Variants in FTO observed in about 807,000 individuals in gnomAD.
The protein encoded by FTO is FTO alpha-ketoglutarate dependent dioxygenase.
FTO carries 47 observed loss-of-function variants against 63.9 expected under a neutral mutation model. That is an observed-to-expected ratio of 0.74 (90% CI 0.58 to 0.94). The LOEUF (loss-of-function observed/expected upper bound fraction) is 0.94. Ranked by LOEUF, FTO falls within the 40% of genes least tolerant of loss-of-function variation. The pLI, the probability that FTO is intolerant of heterozygous loss-of-function variation, is 0.00. For missense variants in FTO, 562 were observed against 618.1 expected (o/e 0.91, Z 0.96); for synonymous variants, 207 against 224.4 (o/e 0.92, Z 0.69).
intron 1 of FTO, among the ~76,000 whole-genome samples, chr16:53,774,574 C>CT (rs1258799526): frequency 2.0e-5 from 3 of 152,128 alleles, no homozygotes; most frequent in Non-Finnish European, 4.4e-5. Flanking sequence ...CAACTATTTT[C>CT]ACTTGGTTGT....
At chr16:54,107,721 TA>T (rs2086789368) in intron 8 of FTO, among the ~76,000 whole-genome samples, 2 of 152,172 alleles carry the variant, frequency 1.3e-5, no homozygotes, top group East Asian at 3.9e-4. Context: ...ACTCAGACAA[TA>T]AAGTCTCATG....
At chr16:54,024,170 G>A (rs1445009285) in intron 8 of FTO, among the ~76,000 whole-genome samples, 2 of 152,114 alleles carry the variant, frequency 1.3e-5, no homozygotes, top group Admixed American at 6.6e-5. Flanking sequence ...AGGTATAAGT[G>A]TTTGTATGGC....
intron 1 of FTO, among the ~76,000 whole-genome samples, chr16:53,710,676 C>G (rs983692546): frequency 6.6e-6 from 1 of 152,148 alleles, no homozygotes; most frequent in African/African-American, 2.4e-5. Flanking sequence ...TTGGCCCAAA[C>G]AAACTAAAAG....
intron 7 of FTO, among the ~76,000 whole-genome samples, chr16:53,905,105 AG>A (rs1337556271): frequency 6.6e-6 from 1 of 151,896 alleles, no homozygotes; most frequent in Admixed American, 6.6e-5. Context: ...AATTCTCAGG[AG>A]TTGGGGGCCT....
At chr16:53,861,385 GA>G (rs1185318628) in intron 4 of FTO, among the ~76,000 whole-genome samples, 3 of 152,160 alleles carry the variant, frequency 2.0e-5, no homozygotes, top group Admixed American at 6.5e-5. Flanking sequence ...TTTGATGGGT[GA>G]AAATATGCTA....
At chr16:53,831,200 T>G (rs1349018261) in intron 3 of FTO, among the ~76,000 whole-genome samples, 1 of 152,186 alleles carries the variant, frequency 6.6e-6, no homozygotes, top group African/African-American at 2.4e-5. Context: ...TTTTGGAGTA[T>G]TCATAAAAAC....
intron 8 of FTO, chr16:54,008,421 C>CT (rs2084260968): frequency 8.1e-6 from 1 of 123,536 alleles, no homozygotes; most frequent in Non-Finnish European, 1.7e-5. Flanking sequence ...TTTTTTTTTT[C>CT]TTTAAGTGTA....
Position 54,111,994 on chromosome 16 carries a change from C to A in FTO, c.*79C>A. 9 of 1,480,798 alleles carry A rather than the reference C, an allele frequency of 6.1e-6. No individual in the cohort carries two copies. The highest frequency in any genetic ancestry group is 1.4e-5 in the African/African-American group (1 of 72,452). 91.7% of individuals were successfully genotyped at this position (1,480,798 alleles called of 1,614,324 possible). On this transcript the variant is annotated 3_prime_UTR_variant, in exon 9 of 9. Transcript: ENST00000471389. Reference sequence around the variant, plus strand: ...ACGTTGTCATGGGCTTAAGCAAGAGCAGTGGAGACTTCTCTTGGCCCCTAG... The same window carrying A: ...ACGTTGTCATGGGCTTAAGCAAGAGAAGTGGAGACTTCTCTTGGCCCCTAG...
intron 7 of FTO, among the ~76,000 whole-genome samples, chr16:53,892,007 A>G (rs2081161597): frequency 6.6e-6 from 1 of 152,166 alleles, no homozygotes; most frequent in South Asian, 2.1e-4. Flanking sequence ...AGGTCCAGAT[A>G]AAAGGGATGT....
chr16:53,709,249 A>G (rs2075708034), intron 1 of FTO, among the ~76,000 whole-genome samples: 1 of 152,254 alleles, frequency 6.6e-6, no homozygotes, highest in African/African-American at 2.4e-5. Context: ...GTTGGACCAC[A>G]TAGCTTTCTA....
chr16:53,836,382 T>C (rs909014193), intron 3 of FTO, among the ~76,000 whole-genome samples: 1 of 152,222 alleles, frequency 6.6e-6, no homozygotes, highest in Non-Finnish European at 1.5e-5. Context: ...AGGCCATAAA[T>C]AGTTTTATGT....
chr16:53,889,052 A>G, intron 7 of FTO, 101 bp downstream of exon 7: 1 of 1,336,572 alleles, frequency 7.5e-7, no homozygotes, highest in Non-Finnish European at 1.1e-6. Flanking sequence ...AATTATTCCT[A>G]ATTATCAAGT....
chr16:53,766,417 C>T (rs1174215556), intron 1 of FTO, among the ~76,000 whole-genome samples: 1 of 152,102 alleles, frequency 6.6e-6, no homozygotes, highest in Non-Finnish European at 1.5e-5. Flanking sequence ...GTGAAGATGC[C>T]TCACTGCATT....
intron 8 of FTO, among the ~76,000 whole-genome samples, chr16:54,049,536 G>T (rs1013433863): frequency 3.9e-5 from 6 of 152,168 alleles, no homozygotes; most frequent in African/African-American, 1.4e-4. Context: ...AGTGGTGAGG[G>T]GGGGAAATGG....
chr16:54,008,457 A>G (rs1200005896), intron 8 of FTO: 1 of 150,812 alleles, frequency 6.6e-6, no homozygotes, highest in East Asian at 2.0e-4. Context: ...CTTCCAAAGG[A>G]TCTTCAATGG....
chr16:54,104,329 TTGG>T, intron 8 of FTO, among the ~76,000 whole-genome samples: 1 of 150,414 alleles, frequency 6.6e-6, no homozygotes. Context: ...TTTTTTTTTT[TTGG>T]GATGGAGTTT....
At position 53,879,911 on chromosome 16, in the gene FTO, A is replaced by G; in HGVS notation, c.1043A>G (p.Asp348Gly). 1.2e-6 allele frequency: 2 copies of G among 1,613,874 alleles called. No homozygotes were observed. The highest frequency in any genetic ancestry group is 1.7e-6 in the Non-Finnish European group (2 of 1,179,878). The stretch of plus-strand genomic sequence containing the variant: ...TTGGCTCTGCAGAATGTCTGTGACG[A>G]TGTGGACAATGATGATGTCTCTTTG... ...CQLALQNVCD[D>G]VDNDDVSLKS... The change falls in exon 6 of 9, where the codon GAT becomes GGT. Residue 348 changes from aspartate (D) to glycine (G), a missense_variant. By Grantham distance (94) the Asp-to-Gly change is moderately conservative. Coordinates refer to ENST00000471389, the MANE Select transcript of FTO (RefSeq NM_001080432.3).
At chr16:53,934,452 A>C (rs532568195) in intron 8 of FTO, among the ~76,000 whole-genome samples, 1 of 152,242 alleles carries the variant, frequency 6.6e-6, no homozygotes, top group African/African-American at 2.4e-5. Context: ...ATTAGAGCAG[A>C]TGTCTGAGAA....
chr16:53,749,768 A>G (rs186525207), intron 1 of FTO, among the ~76,000 whole-genome samples: 18 of 152,286 alleles, frequency 1.2e-4, no homozygotes, highest in African/African-American at 3.8e-4. Context: ...ATTGAGTATA[A>G]TGGTAGCTGT....
Sources: allele counts gnomAD v4.1 joint callset (sites outside exome capture counted in the v4.1 genomes callset), GRCh38; gene constraint gnomAD v4.1.1; transcripts MANE v1.5; gene names NCBI Gene and HGNC (gene_info 2026-07-23, HGNC 2026-07-21).